Variants in NCKAP5 observed in about 807,000 individuals in gnomAD.
NCKAP5 encodes NCK associated protein 5, also known as nck-associated protein 5.
NCKAP5 carries 92 observed loss-of-function variants against 167.0 expected under a neutral mutation model. The ratio of observed to expected loss-of-function variants is 0.55; its 90% confidence interval spans 0.47 to 0.66. The LOEUF (loss-of-function observed/expected upper bound fraction) is 0.66, where lower values mean the gene tolerates loss of function less well. Ranked by LOEUF, NCKAP5 falls within the 30% of genes least tolerant of loss-of-function variation. The probability of loss-of-function intolerance (pLI) is 0.00; values close to 1 mark genes in which losing one functional copy is unlikely to be tolerated. For missense variants in NCKAP5, 2,378 were observed against 2,315.0 expected, an observed-to-expected ratio of 1.03 and a Z score of -0.56; for synonymous variants, 891 against 877.4, an observed-to-expected ratio of 1.02 and a Z score of -0.27.
At chr2:133,209,472 A>G (rs1413304896) in intron 5 of NCKAP5, among the ~76,000 whole-genome samples, 2 of 151,092 alleles carry the variant, frequency 1.3e-5, no homozygotes, top group Admixed American at 1.3e-4. Context: ...CAAACAAAAA[A>G]ACAGTGAAGT....
chr2:133,003,813 T>C (rs1342241201), intron 6 of NCKAP5, among the ~76,000 whole-genome samples: 3 of 152,210 alleles, frequency 2.0e-5, no homozygotes, highest in Non-Finnish European at 2.9e-5. Flanking sequence ...AAGATGCTAG[T>C]CCAATTTGAA....
At chr2:133,400,288 C>G (rs529277966) in intron 3 of NCKAP5, among the ~76,000 whole-genome samples, 2 of 151,882 alleles carry the variant, frequency 1.3e-5, no homozygotes, top group Non-Finnish European at 2.9e-5. Context: ...GTACCCGCTG[C>G]CCCCCTAAAA....
At chr2:133,349,561 T>C (rs1160519552) in intron 3 of NCKAP5, among the ~76,000 whole-genome samples, 2 of 152,250 alleles carry the variant, frequency 1.3e-5, no homozygotes, top group Non-Finnish European at 2.9e-5. Flanking sequence ...CATCTTCTCC[T>C]TCCCTAGCAC....
At chr2:133,439,721 C>T (rs1690714858) in intron 3 of NCKAP5, among the ~76,000 whole-genome samples, 1 of 152,154 alleles carries the variant, frequency 6.6e-6, no homozygotes, top group Non-Finnish European at 1.5e-5. Flanking sequence ...TCAGTATACC[C>T]CTATAATGTC....
chr2:133,647,368 GAAGA>G, the NCKAP5 span, among the ~76,000 whole-genome samples: 400 of 88,810 alleles, frequency 4.5e-3, 14 homozygotes, highest in African/African-American at 0.023. Context: ...AGGAAGGAAG[GAAGA>G]AAGAAAGGAA....
At chr2:132,696,749 A>C (rs116735268) in intron 19 of NCKAP5, among the ~76,000 whole-genome samples, 190 of 152,344 alleles carry the variant, frequency 1.2e-3, no homozygotes, top group African/African-American at 3.6e-3. Flanking sequence ...AAATTCTCCT[A>C]AACTCACAGT....
intron 4 of NCKAP5, among the ~76,000 whole-genome samples, chr2:133,231,649 C>T (rs1320043454): frequency 6.6e-6 from 1 of 151,944 alleles, no homozygotes; most frequent in Admixed American, 6.6e-5. Context: ...CTCTCATATC[C>T]AACAAAACAC....
intron 8 of NCKAP5, among the ~76,000 whole-genome samples, chr2:132,952,008 T>G (rs1330302934): frequency 2.0e-5 from 3 of 152,204 alleles, no homozygotes; most frequent in Non-Finnish European, 2.9e-5. Flanking sequence ...TTTAACTTAC[T>G]TTGTAGAGTA....
chr2:133,574,987 C>A, the NCKAP5 span, among the ~76,000 whole-genome samples: 1 of 152,168 alleles, frequency 6.6e-6, no homozygotes, highest in Non-Finnish European at 1.5e-5. Flanking sequence ...TGCTCCCTTG[C>A]CTTGGCCTGA....
At chr2:133,294,010 A>G (rs1679780529) in intron 4 of NCKAP5, among the ~76,000 whole-genome samples, 1 of 152,206 alleles carries the variant, frequency 6.6e-6, no homozygotes, top group African/African-American at 2.4e-5. Context: ...GGGATGCAGA[A>G]CAGGAAACCA....
At chr2:133,013,162 T>C (rs2078219673) in intron 6 of NCKAP5, among the ~76,000 whole-genome samples, 1 of 152,186 alleles carries the variant, frequency 6.6e-6, no homozygotes, top group African/African-American at 2.4e-5. Context: ...TTTCTTCCTC[T>C]GCCAACAGTG....
intron 5 of NCKAP5, among the ~76,000 whole-genome samples, chr2:133,208,844 T>G (rs918135617): frequency 6.6e-6 from 1 of 152,194 alleles, no homozygotes; most frequent in African/African-American, 2.4e-5. Context: ...GAGGATCTCA[T>G]TTTCTATTTT....
intron 8 of NCKAP5, among the ~76,000 whole-genome samples, chr2:132,938,199 A>G (rs1049360382): frequency 7.9e-5 from 12 of 152,134 alleles, no homozygotes; most frequent in Non-Finnish European, 1.6e-4. Context: ...GTCCCCAAAT[A>G]TCTCCCCTCT....
At chr2:133,281,937 T>C (rs2089950728) in intron 4 of NCKAP5, among the ~76,000 whole-genome samples, 3 of 152,250 alleles carry the variant, frequency 2.0e-5, no homozygotes, top group Middle Eastern at 3.4e-3. Context: ...CAATTTGGAG[T>C]GTCACTTTTG....
chr2:133,590,944 A>T, the NCKAP5 span, among the ~76,000 whole-genome samples: 9 of 140,772 alleles, frequency 6.4e-5, no homozygotes, highest in Admixed American at 1.4e-4. Flanking sequence ...AGAGAGAGAG[A>T]GTGTTGTGTG....
chr2:133,212,722 C>T (rs1040998877), intron 5 of NCKAP5, among the ~76,000 whole-genome samples: 1 of 152,244 alleles, frequency 6.6e-6, no homozygotes, highest in African/African-American at 2.4e-5. Flanking sequence ...CATTAAGATC[C>T]CTAGCAAAAT....
At chr2:133,151,000 AAAGGT>A (rs773637585) in intron 5 of NCKAP5, among the ~76,000 whole-genome samples, 2 of 152,214 alleles carry the variant, frequency 1.3e-5, no homozygotes, top group African/African-American at 4.8e-5. Context: ...AGAAACAGGC[AAAGGT>A]AATCCATGTC....
At chr2:132,872,445 G>T (rs554286666) in intron 9 of NCKAP5, among the ~76,000 whole-genome samples, 1 of 152,206 alleles carries the variant, frequency 6.6e-6, no homozygotes, top group Non-Finnish European at 1.5e-5. Flanking sequence ...CGAGCAGAGG[G>T]AGGAAAAGCT....
chr2:132,717,527 C>T (rs1446987198), intron 19 of NCKAP5, among the ~76,000 whole-genome samples: 1 of 152,172 alleles, frequency 6.6e-6, no homozygotes, highest in Non-Finnish European at 1.5e-5. Context: ...AGTCCTTGGC[C>T]TTGAGAAGGC....
Sources: gnomAD v4.1 joint callset for allele counts (sites outside exome capture counted in the v4.1 genomes callset) on GRCh38, gnomAD v4.1.1 for gene constraint, MANE v1.5 for transcripts, NCBI Gene and HGNC (gene_info 2026-07-23, HGNC 2026-07-21) for gene names.